TRERF1: variants seen among roughly 807,000 people sequenced by gnomAD.
TRERF1 encodes the protein transcriptional regulating factor 1.
A neutral mutation model predicts 122.9 loss-of-function variants in TRERF1; 27 were observed. The ratio of observed to expected loss-of-function variants is 0.22; its 90% CI spans 0.16 to 0.30. The LOEUF (loss-of-function observed/expected upper bound fraction) is 0.30. Among genes scored for constraint, TRERF1 ranks in the 10% least tolerant of loss-of-function variants. TRERF1 has a pLI of 1.00. For synonymous variants in TRERF1, 636 were observed against 641.7 expected (o/e 0.99, Z 0.13); for missense variants, 1,248 against 1,560.3 (o/e 0.80, Z 3.37).
Position 42,406,599 on chromosome 6 carries a change from CTAA to C in TRERF1, c.-453-43523_-453-43521del, listed in dbSNP as rs773575885. ...ATCCTAGACGACTGCTCAAATCTACCTAATGTCTTCTGGAACCTTCCTCAACAA... is the reference window on the plus strand; with the variant it reads ...ATCCTAGACGACTGCTCAAATCTACCTGTCTTCTGGAACCTTCCTCAACAA... On this transcript the variant is annotated intron_variant, in intron 2 of 17. Transcript: ENST00000372922. Among the ~76,000 whole-genome samples, 83 of 152,308 alleles carry C rather than the reference CTAA, an allele frequency of 5.4e-4. 1 individual carries two copies. The highest frequency in any genetic ancestry group is 1.1e-3 in the Non-Finnish European group (77 of 68,030).
chr6:42,408,214 T>C, intron 2 of TRERF1, among the ~76,000 whole-genome samples: 1 of 131,546 alleles, frequency 7.6e-6, no homozygotes, highest in Non-Finnish European at 1.6e-5. Flanking sequence ...TAAATAAATA[T>C]ATATATATAT....
intron 2 of TRERF1, among the ~76,000 whole-genome samples, chr6:42,406,386 G>A (rs1262579914): frequency 2.0e-5 from 3 of 152,172 alleles, no homozygotes; most frequent in African/African-American, 7.2e-5. Flanking sequence ...CAGTGCCGAT[G>A]ACTCCTCTTG....
At chr6:42,322,948 C>G (rs1281961032) in intron 3 of TRERF1, among the ~76,000 whole-genome samples, 1 of 151,992 alleles carries the variant, frequency 6.6e-6, no homozygotes, top group East Asian at 1.9e-4. Context: ...AGGTTGGTCT[C>G]CCAGGCCACA....
chr6:42,226,779 CA>C (rs1296535725), exon 18 of TRERF1: 1 of 152,246 alleles, frequency 6.6e-6, no homozygotes, highest in African/African-American at 2.4e-5. Context: ...TATTCTCTCT[CA>C]TGTCAAGCTA....
intron 6 of TRERF1, 128 bp downstream of exon 6, chr6:42,265,623 A>C: frequency 4.9e-6 from 5 of 1,017,888 alleles, no homozygotes; most frequent in African/African-American, 1.6e-5. Context: ...CTCAAACACA[A>C]CAGCTGCTAT....
At chr6:42,281,067 C>A (rs1782220547) in intron 4 of TRERF1, among the ~76,000 whole-genome samples, 1 of 152,074 alleles carries the variant, frequency 6.6e-6, no homozygotes, top group Non-Finnish European at 1.5e-5. Flanking sequence ...AAAGAGGGGT[C>A]CTGCCCTTTC....
At chr6:42,315,820 A>T (rs9968927) in intron 3 of TRERF1, among the ~76,000 whole-genome samples, 37,370 of 151,434 alleles carry the variant, frequency 0.25, 5,048 homozygotes, top group Admixed American at 0.38. Context: ...GTGTGCAGAC[A>T]GCTCAAGGCT....
intron 3 of TRERF1, among the ~76,000 whole-genome samples, chr6:42,332,222 C>T (rs1052038984): frequency 3.9e-5 from 6 of 152,246 alleles, no homozygotes; most frequent in African/African-American, 9.6e-5. Flanking sequence ...GTATTACAGG[C>T]GTGTGCCACC....
intron 4 of TRERF1, among the ~76,000 whole-genome samples, chr6:42,278,012 T>C (rs1215049959): frequency 1.3e-5 from 2 of 152,120 alleles, no homozygotes; most frequent in Non-Finnish European, 2.9e-5. Flanking sequence ...GCTTTGGTTC[T>C]ACTGACTCCA....
chr6:42,402,785 A>G (rs914913299), intron 2 of TRERF1, among the ~76,000 whole-genome samples: 38 of 152,212 alleles, frequency 2.5e-4, no homozygotes, highest in African/African-American at 8.0e-4. Flanking sequence ...TGCTGCCCTC[A>G]TGGAGATTCT....
Position 42,392,921 on chromosome 6 carries a change from T to TAC in TRERF1, c.-453-29844_-453-29843dup, listed in dbSNP as rs1407835106. Reference sequence around the variant, plus strand: ...GTTTAACAAGCAGCACACACACACATACACACACATACACACACACACACA... The same window carrying TAC: ...GTTTAACAAGCAGCACACACACACATACACACACACATACACACACACACACA... On this transcript the variant is annotated intron_variant, in intron 2 of 17. Transcript: ENST00000372922. Among the ~76,000 whole-genome samples the TAC allele has an allele frequency of 1.9e-4, 8 of 43,030 alleles. No individual in the cohort carries two copies. In the South Asian group the frequency reaches 6.5e-3, roughly 35 times the overall value. The allele number at this position is 43,030 out of a possible 152,430, so 28.2% of individuals were successfully genotyped here.
chr6:42,289,176 A>G (rs989873598), intron 4 of TRERF1, among the ~76,000 whole-genome samples: 4 of 151,962 alleles, frequency 2.6e-5, no homozygotes, highest in Non-Finnish European at 5.9e-5. Context: ...ATACAAAAAA[A>G]TGAGCTGGGT....
At chr6:42,320,666 C>T (rs988014348) in intron 3 of TRERF1, among the ~76,000 whole-genome samples, 18 of 152,102 alleles carry the variant, frequency 1.2e-4, no homozygotes, top group Non-Finnish European at 1.8e-4. Context: ...CCCGCCACAA[C>T]GTCCGGCTAA....
intron 2 of TRERF1, among the ~76,000 whole-genome samples, chr6:42,379,515 C>A (rs779103381): frequency 3.3e-5 from 5 of 152,066 alleles, no homozygotes; most frequent in Non-Finnish European, 5.9e-5. Flanking sequence ...TGGGCACTTA[C>A]TATATGTCAG....
chr6:42,386,327 C>T (rs1776807170), intron 2 of TRERF1, among the ~76,000 whole-genome samples: 1 of 152,086 alleles, frequency 6.6e-6, no homozygotes, highest in South Asian at 2.1e-4. Flanking sequence ...GCCTGTAGTC[C>T]CAGCTACTCA....
intron 2 of TRERF1, among the ~76,000 whole-genome samples, chr6:42,423,471 G>A (rs989546952): frequency 1.3e-5 from 2 of 151,884 alleles, no homozygotes; most frequent in African/African-American, 2.4e-5. Flanking sequence ...TCCCCCTTAC[G>A]GTGAAAGCAG....
intron 3 of TRERF1, among the ~76,000 whole-genome samples, chr6:42,360,056 TA>T (rs1771419899): frequency 6.6e-6 from 1 of 152,240 alleles, no homozygotes; most frequent in Non-Finnish European, 1.5e-5. Context: ...ATATATTTGT[TA>T]CGAAGAGAAT....
chr6:42,405,304 G>A (rs1780001965), intron 2 of TRERF1, among the ~76,000 whole-genome samples: 1 of 152,166 alleles, frequency 6.6e-6, no homozygotes, highest in Non-Finnish European at 1.5e-5. Context: ...AGCACACAAG[G>A]TTATACTGAT....
chr6:42,358,342 C>T (rs1485206508), intron 3 of TRERF1, among the ~76,000 whole-genome samples: 1 of 152,182 alleles, frequency 6.6e-6, no homozygotes, highest in Non-Finnish European at 1.5e-5. Flanking sequence ...TTGGGTTTAT[C>T]AAAACTTGTA....
Sources: allele counts gnomAD v4.1 joint callset (sites outside exome capture counted in the v4.1 genomes callset), GRCh38; gene constraint gnomAD v4.1.1; transcripts MANE v1.5; gene names NCBI Gene and HGNC (gene_info 2026-07-23, HGNC 2026-07-21).